ELF1: variants seen among roughly 807,000 people sequenced by gnomAD.
The protein encoded by ELF1 is ETS-related transcription factor Elf-1.
Under a neutral mutation model 59.9 loss-of-function variants are expected in ELF1, and 24 were observed. That is an observed-to-expected ratio of 0.40 (90% CI 0.29 to 0.56). The LOEUF (loss-of-function observed/expected upper bound fraction) is 0.56, where lower values mean the gene tolerates loss of function less well. Ranked by LOEUF, ELF1 falls within the 20% of genes least tolerant of loss-of-function variation. The pLI, the probability that ELF1 is intolerant of heterozygous loss-of-function variation, is 0.44. For missense variants in ELF1, 627 were observed against 742.2 expected (o/e 0.84, Z 1.80); for synonymous variants, 248 against 266.2 (o/e 0.93, Z 0.67).
At chr13:41,016,689 C>T (rs145731606) in intron 1 of ELF1, among the ~76,000 whole-genome samples, 4 of 151,436 alleles carry the variant, frequency 2.6e-5, no homozygotes, top group South Asian at 2.1e-4. Context: ...CCGAGGTGAG[C>T]GGATCACCCA....
chr13:41,045,621 T>C (rs965856075), intron 1 of ELF1, among the ~76,000 whole-genome samples: 15 of 152,200 alleles, frequency 9.9e-5, no homozygotes, highest in Admixed American at 7.2e-4. Flanking sequence ...CTGAGTTCTA[T>C]TGATTGCACT....
At chr13:40,990,760 C>T (rs1049483809) in intron 1 of ELF1, among the ~76,000 whole-genome samples, 1 of 144,298 alleles carries the variant, frequency 6.9e-6, no homozygotes, top group Non-Finnish European at 1.5e-5. Context: ...GAGGCTGGGG[C>T]AGAATTGCTT....
intron 1 of ELF1, among the ~76,000 whole-genome samples, chr13:41,003,335 CT>C (rs976599253): frequency 2.6e-5 from 4 of 152,140 alleles, no homozygotes; most frequent in Non-Finnish European, 5.9e-5. Flanking sequence ...CTATTTGGTT[CT>C]TCTAAAACTC....
At chr13:40,971,580 G>T (rs1182834058) in intron 2 of ELF1, among the ~76,000 whole-genome samples, 5 of 152,286 alleles carry the variant, frequency 3.3e-5, no homozygotes, top group Non-Finnish European at 1.5e-5. Context: ...AAAAATCCTG[G>T]CTTCTCTCTT....
rs147858461 is a variant in ELF1, at chr13:40,982,616, T to C, written c.-228-334A>G. Among the ~76,000 whole-genome samples the C allele has an allele frequency of 1.0e-3, 154 of 150,688 alleles. 5 individuals are homozygous for C. In the East Asian group the frequency reaches 0.028, roughly 28 times the overall value. ...GGTTGTAATCGCAATAAAGGATATA[T>C]AAACAATTTCCTTCTTTTCACCAAC... is the stretch of plus-strand genomic sequence containing the variant. On this transcript the variant is annotated intron_variant, in intron 1 of 8. Transcript: ENST00000239882.
chr13:40,978,553 C>T (rs919534606), intron 2 of ELF1, among the ~76,000 whole-genome samples: 2 of 151,786 alleles, frequency 1.3e-5, no homozygotes, highest in Non-Finnish European at 1.5e-5. Flanking sequence ...ATTTCTATAG[C>T]GCACAAGATA....
chr13:40,934,064 C>A, intron 8 of ELF1, 36 bp from the exon 9 acceptor site: 1 of 1,565,958 alleles, frequency 6.4e-7, no homozygotes, highest in Non-Finnish European at 8.7e-7. Context: ...AGACAATTAG[C>A]ATATTCTACA....
chr13:41,032,011 C>T (rs1409859740), intron 1 of ELF1, among the ~76,000 whole-genome samples: 2 of 151,890 alleles, frequency 1.3e-5, no homozygotes, highest in Non-Finnish European at 2.9e-5. Context: ...TTCTTTTTAT[C>T]TTATAGCAGT....
At chr13:40,991,480 T>G (rs1478151025) in intron 1 of ELF1, among the ~76,000 whole-genome samples, 1 of 152,204 alleles carries the variant, frequency 6.6e-6, no homozygotes, top group Non-Finnish European at 1.5e-5. Flanking sequence ...TCTCACTTTG[T>G]TGCAAAGACA....
Position 40,933,695 on chromosome 13 carries a change from A to G in ELF1, c.1590T>C (p.Ala530=), listed in dbSNP as rs1324174530. 10 of 1,614,298 alleles carry G rather than the reference A, an allele frequency of 6.2e-6. No individual in the cohort carries two copies. The highest frequency in any genetic ancestry group is 5.9e-6 in the Non-Finnish European group (7 of 1,180,054). Residue 530 remains alanine (A), a synonymous_variant, in exon 9 of 9, where the codon GCT becomes GCC. Transcript: ENST00000239882. ...GAGAAAAGGTCACCACAGGTGCAGT[A>G]GCACTGAAGGATGGAGAGGAAGCCA... ...VSVASSPSFS[A]TAPVVTFSPR...
At chr13:40,970,180 TTAA>T (rs1872440698) in intron 2 of ELF1, among the ~76,000 whole-genome samples, 1 of 152,204 alleles carries the variant, frequency 6.6e-6, no homozygotes, top group Admixed American at 6.5e-5. Context: ...GTCGTCAAGA[TTAA>T]TGAGGAAATT....
intron 1 of ELF1, among the ~76,000 whole-genome samples, chr13:41,030,953 G>A (rs1323557738): frequency 6.6e-6 from 1 of 150,800 alleles, no homozygotes; most frequent in South Asian, 2.1e-4. Context: ...TTGAGCCTAG[G>A]AGTTCAACAG....
At chr13:40,964,922 C>T (rs1872084877) in intron 2 of ELF1, among the ~76,000 whole-genome samples, 2 of 152,094 alleles carry the variant, frequency 1.3e-5, no homozygotes, top group African/African-American at 4.8e-5. Flanking sequence ...TTACATCTGC[C>T]ATGACCCTAT....
At chr13:40,939,161 C>T (rs1869974038) in intron 8 of ELF1, among the ~76,000 whole-genome samples, 2 of 151,904 alleles carry the variant, frequency 1.3e-5, no homozygotes, top group Admixed American at 1.3e-4. Context: ...CCCATTTCTA[C>T]AAAAAATTAA....
chr13:40,982,130 C>T lies in ELF1; in HGVS notation c.-76G>A. The T allele has an allele frequency of 6.4e-7, 1 of 1,569,016 alleles. No individual in the cohort carries two copies. Among genetic ancestry groups the T allele is most frequent in the Non-Finnish European group, 8.6e-7 (1 of 1,158,980 alleles). On this transcript the variant is annotated 5_prime_UTR_variant, in exon 2 of 9. Coordinates refer to ENST00000239882, the MANE Select transcript of ELF1 (RefSeq NM_172373.4). Reference sequence around the variant, plus strand: ...CGTATCAGGCAGCAAAATCCAGTGACTGATTTGGGTAAAAAACCCTCAGCT... The same window carrying T: ...CGTATCAGGCAGCAAAATCCAGTGATTGATTTGGGTAAAAAACCCTCAGCT...
At chr13:41,002,441 G>A (rs9566653) in intron 1 of ELF1, among the ~76,000 whole-genome samples, 3 of 151,682 alleles carry the variant, frequency 2.0e-5, no homozygotes, top group African/African-American at 4.9e-5. Context: ...CCAAGAATTC[G>A]AGACCAGCCT....
intron 1 of ELF1, among the ~76,000 whole-genome samples, chr13:40,997,757 T>C (rs1261609157): frequency 6.6e-6 from 1 of 152,216 alleles, no homozygotes; most frequent in Non-Finnish European, 1.5e-5. Flanking sequence ...CAAAGAGTTC[T>C]GATGTTTCAT....
intron 1 of ELF1, among the ~76,000 whole-genome samples, chr13:41,037,775 G>A (rs1195147244): frequency 1.3e-5 from 2 of 150,086 alleles, no homozygotes; most frequent in African/African-American, 4.9e-5. Context: ...CAGCCTGGGC[G>A]ACTAAGCGAG....
intron 1 of ELF1, among the ~76,000 whole-genome samples, chr13:41,030,592 T>C (rs982874761): frequency 6.6e-6 from 1 of 151,466 alleles, no homozygotes; most frequent in Non-Finnish European, 1.5e-5. Flanking sequence ...AAAATAAAAA[T>C]AAATAAAAAT....
Sources: allele counts gnomAD v4.1 joint callset (sites outside exome capture counted in the v4.1 genomes callset), GRCh38; gene constraint gnomAD v4.1.1; transcripts MANE v1.5; gene names NCBI Gene and HGNC (gene_info 2026-07-23, HGNC 2026-07-21).